TXNDC16: variants seen among roughly 807,000 people sequenced by gnomAD.
TXNDC16 encodes the protein thioredoxin domain-containing protein 16.
A neutral mutation model predicts 85.6 loss-of-function variants in TXNDC16; 74 were observed. The observed-to-expected ratio is 0.86, with a 90% CI of 0.72 to 1.05. The LOEUF (loss-of-function observed/expected upper bound fraction) is 1.05, where lower values mean the gene tolerates loss of function less well. Ranked by LOEUF, TXNDC16 falls within the 50% of genes least tolerant of loss-of-function variation. The pLI, the probability that TXNDC16 is intolerant of heterozygous loss-of-function variation, is 0.00. For synonymous variants in TXNDC16, 335 were observed against 326.5 expected, an observed-to-expected ratio of 1.03 and a Z score of -0.28; for missense variants, 959 against 947.0, an observed-to-expected ratio of 1.01 and a Z score of -0.17.
chr14:52,518,989 A>G (rs925225679), intron 7 of TXNDC16, among the ~76,000 whole-genome samples, 183 bp downstream of exon 7: 1 of 152,208 alleles, frequency 6.6e-6, no homozygotes, highest in Admixed American at 6.5e-5. Context: ...AGTCTAACCT[A>G]GAGAGTTCTT....
chr14:52,515,036 C>A (rs2037049558), intron 7 of TXNDC16, 66 bp from the exon 8 acceptor site: 2 of 1,191,624 alleles, frequency 1.7e-6, no homozygotes, highest in African/African-American at 3.0e-5. Context: ...ATGTAAACTT[C>A]TATTCTGAAT....
chr14:52,459,399 A>G (rs2035604968), intron 16 of TXNDC16, among the ~76,000 whole-genome samples: 1 of 152,192 alleles, frequency 6.6e-6, no homozygotes, highest in Non-Finnish European at 1.5e-5. Flanking sequence ...TGAACAGACC[A>G]GTAACAAGTT....
chr14:52,503,846 C>A (rs1053366929), intron 9 of TXNDC16, among the ~76,000 whole-genome samples: 5 of 152,108 alleles, frequency 3.3e-5, no homozygotes, highest in Admixed American at 6.5e-5. Flanking sequence ...AGACGAATGG[C>A]TAACTAGAAT....
chr14:52,547,785 C>T (rs2037970191), intron 1 of TXNDC16, among the ~76,000 whole-genome samples: 1 of 152,192 alleles, frequency 6.6e-6, no homozygotes, highest in Non-Finnish European at 1.5e-5. Flanking sequence ...ACTCAGAGAT[C>T]CTCAACTTTA....
At chr14:52,536,965 A>G (rs143953395) in intron 5 of TXNDC16, among the ~76,000 whole-genome samples, 172 bp from the exon 6 acceptor site, 15 of 152,168 alleles carry the variant, frequency 9.9e-5, no homozygotes, top group African/African-American at 3.6e-4. Flanking sequence ...ATACATTCTC[A>G]ATAAATATAT....
At chr14:52,449,920 C>T (rs1329790356) in intron 18 of TXNDC16, among the ~76,000 whole-genome samples, 2 of 151,624 alleles carry the variant, frequency 1.3e-5, no homozygotes, top group Non-Finnish European at 2.9e-5. Flanking sequence ...ATACCCAAAC[C>T]CTTGGGATAC....
At chr14:52,505,051 G>A (rs568659894) in intron 9 of TXNDC16, among the ~76,000 whole-genome samples, 77 of 152,282 alleles carry the variant, frequency 5.1e-4, no homozygotes, top group Non-Finnish European at 1.1e-3. Flanking sequence ...CCCAATATAG[G>A]AGTAACCAGA....
At chr14:52,536,652 G>A in intron 6 of TXNDC16, 67 bp downstream of exon 6, 2 of 1,277,100 alleles carry the variant, frequency 1.6e-6, no homozygotes, top group South Asian at 1.4e-5. Context: ...ATGAATTGTG[G>A]TTATTTAAAA....
intron 13 of TXNDC16, 88 bp downstream of exon 13, chr14:52,482,734 A>T: frequency 8.1e-7 from 1 of 1,239,532 alleles, no homozygotes; most frequent in Non-Finnish European, 1.1e-6. Context: ...ATTTCATTTT[A>T]CAACATGCAA....
intron 16 of TXNDC16, among the ~76,000 whole-genome samples, chr14:52,461,230 CTT>C (rs1253369448): frequency 6.6e-6 from 1 of 151,576 alleles, no homozygotes; most frequent in African/African-American, 2.4e-5. Flanking sequence ...AATTTTGACT[CTT>C]AGTAACCCAA....
rs1408317445 is a variant in TXNDC16, at chr14:52,529,908, A to C, written c.392+6811T>G. Among the ~76,000 whole-genome samples, 6 of 108,596 alleles carry C rather than the reference A, an allele frequency of 5.5e-5. No individual in the cohort carries two copies. The South Asian group carries it at 1.3e-3, about 24-fold the overall frequency. The allele number at this position is 108,596 out of a possible 152,430, so 71.2% of individuals were successfully genotyped here. ...ATGAATTATATATTATATATTATAT[A>C]TTATATAATATACATTATATATATT... On this transcript the variant is annotated intron_variant, in intron 6 of 20. Transcript: ENST00000281741.
intron 1 of TXNDC16, among the ~76,000 whole-genome samples, chr14:52,550,426 T>C (rs1057268551): frequency 1.1e-4 from 17 of 151,542 alleles, no homozygotes; most frequent in African/African-American, 4.1e-4. Flanking sequence ...ATAAAAGGAG[T>C]CAACATCTCT....
At chr14:52,476,473 T>C (rs1298662896) in intron 14 of TXNDC16, among the ~76,000 whole-genome samples, 2 of 151,688 alleles carry the variant, frequency 1.3e-5, no homozygotes. Flanking sequence ...TTCAATGAAA[T>C]AGATAGCATA....
At chr14:52,516,318 C>A (rs1350657228) in intron 7 of TXNDC16, among the ~76,000 whole-genome samples, 1 of 152,174 alleles carries the variant, frequency 6.6e-6, no homozygotes, top group African/African-American at 2.4e-5. Flanking sequence ...CTGAAAGCAT[C>A]TTAATTTTAT....
chr14:52,462,234 A>G (rs998778242), intron 16 of TXNDC16, among the ~76,000 whole-genome samples: 2 of 150,886 alleles, frequency 1.3e-5, no homozygotes, highest in African/African-American at 4.9e-5. Flanking sequence ...TTTTGTTTAT[A>G]TTTTTTTTTA....
chr14:52,481,557 G>T (rs1220095205), intron 14 of TXNDC16, among the ~76,000 whole-genome samples: 1 of 152,106 alleles, frequency 6.6e-6, no homozygotes, highest in Non-Finnish European at 1.5e-5. Flanking sequence ...AATATGCCAA[G>T]CCCAGTAAGC....
intron 16 of TXNDC16, among the ~76,000 whole-genome samples, chr14:52,458,866 T>A (rs1009181331): frequency 1.3e-5 from 2 of 152,210 alleles, no homozygotes; most frequent in African/African-American, 4.8e-5. Flanking sequence ...AAAAGTCTCT[T>A]CGTAAATCCA....
chr14:52,484,060 A>G (rs1454438620), intron 12 of TXNDC16, among the ~76,000 whole-genome samples: 1 of 152,230 alleles, frequency 6.6e-6, no homozygotes, highest in Non-Finnish European at 1.5e-5. Flanking sequence ...ATACGATGGT[A>G]TTAAGAATTG....
chr14:52,488,078 C>T (rs770779366), intron 12 of TXNDC16, among the ~76,000 whole-genome samples: 6 of 152,140 alleles, frequency 3.9e-5, no homozygotes, highest in Non-Finnish European at 2.9e-5. Flanking sequence ...ATGGACTAGT[C>T]CAGAACGGCT....
Sources: gnomAD v4.1 joint callset for allele counts (sites outside exome capture counted in the v4.1 genomes callset) on GRCh38, gnomAD v4.1.1 for gene constraint, MANE v1.5 for transcripts, NCBI Gene and HGNC (gene_info 2026-07-23, HGNC 2026-07-21) for gene names.